Variants in CDH11 observed in about 807,000 individuals in gnomAD.
CDH11 encodes cadherin-11.
CDH11 carries 11 observed loss-of-function variants against 67.8 expected under a neutral mutation model. That is an observed-to-expected ratio of 0.16 (90% CI 0.10 to 0.27). CDH11 has a LOEUF of 0.27. Among genes scored for constraint, CDH11 ranks in the 10% least tolerant of loss-of-function variants. CDH11 has a pLI of 1.00. For missense variants in CDH11, 847 were observed against 1,031.2 expected (o/e 0.82, Z 2.45); for synonymous variants, 419 against 400.0 (o/e 1.05, Z -0.57).
At chr16:65,042,165 A>C (rs1482901769) in intron 2 of CDH11, among the ~76,000 whole-genome samples, 17 of 152,226 alleles carry the variant, frequency 1.1e-4, no homozygotes, top group Admixed American at 1.1e-3. Context: ...TGCCCTTGAC[A>C]TCCAGGACGT....
chr16:64,993,477 C>T (rs2072684249), intron 4 of CDH11, among the ~76,000 whole-genome samples: 2 of 152,080 alleles, frequency 1.3e-5, no homozygotes, highest in South Asian at 2.1e-4. Context: ...TGTAGCAGAA[C>T]AATAAATACA....
At chr16:65,045,373 G>A (rs1001915297) in intron 2 of CDH11, among the ~76,000 whole-genome samples, 138 of 33,796 alleles carry the variant, frequency 4.1e-3, no homozygotes, top group Non-Finnish European at 6.5e-3. Context: ...ATATATATAT[G>A]AACTGTTGCT....
At chr16:64,948,230 G>A in intron 12 of CDH11, 131 bp from the exon 13 acceptor site, 1 of 1,203,792 alleles carries the variant, frequency 8.3e-7, no homozygotes, top group South Asian at 1.6e-5. Flanking sequence ...TAGGAAATGA[G>A]AGCTTTGCCT....
At chr16:64,954,911 C>G (rs546341806) in intron 11 of CDH11, among the ~76,000 whole-genome samples, 1 of 149,630 alleles carries the variant, frequency 6.7e-6, no homozygotes, top group African/African-American at 2.5e-5. Context: ...CAAGACCAGC[C>G]TGGCCAAAAT....
At position 64,945,301 on chromosome 16, in the gene CDH11, T is replaced by TAAAAAAAAAAAAAAAAAAGAA. The variant is rs2071175992; in HGVS notation, c.*2281_*2301dup. The TAAAAAAAAAAAAAAAAAAGAA allele has an allele frequency of 8.1e-6, 3 of 371,896 alleles. No homozygotes were observed. The highest frequency in any genetic ancestry group is 5.1e-5 in the African/African-American group (2 of 39,596). 23.0% of individuals were successfully genotyped at this position (371,896 alleles called of 1,614,324 possible). A position where few individuals can be genotyped will look rare whatever the true frequency, so the allele number is the denominator to read the frequency against. ...AGAGGCTTAACGAAAAAATAAAAGG[T>TAAAAAAAAAAAAAAAAAAGAA]AAAAAAAAAAAAAAAAAAGAAAAAG... On this transcript the variant is annotated 3_prime_UTR_variant, in exon 13 of 13. Transcript: ENST00000268603.
At chr16:65,032,642 A>T (rs2073666837) in intron 2 of CDH11, among the ~76,000 whole-genome samples, 1 of 152,212 alleles carries the variant, frequency 6.6e-6, no homozygotes. Flanking sequence ...AGTCAAAGAA[A>T]AGTGACTCAT....
chr16:65,014,431 A>T (rs1462929374), intron 2 of CDH11, among the ~76,000 whole-genome samples: 3 of 152,094 alleles, frequency 2.0e-5, no homozygotes, highest in Admixed American at 6.6e-5. Context: ...GATATTTTAT[A>T]TTTTTTTGTC....
chr16:65,109,764 C>T (rs200049852), intron 1 of CDH11, among the ~76,000 whole-genome samples: 2 of 152,204 alleles, frequency 1.3e-5, no homozygotes, highest in East Asian at 1.9e-4. Context: ...ATGCTGCCTG[C>T]CATAGCTGCC....
intron 2 of CDH11, among the ~76,000 whole-genome samples, chr16:65,029,371 C>T (rs1241320582): frequency 1.3e-5 from 2 of 152,048 alleles, no homozygotes; most frequent in Admixed American, 6.5e-5. Flanking sequence ...TTTTGTCGAA[C>T]ATATTTTAAG....
At chr16:64,957,502 T>G (rs912505014) in intron 11 of CDH11, among the ~76,000 whole-genome samples, 1 of 152,056 alleles carries the variant, frequency 6.6e-6, no homozygotes, top group Admixed American at 6.6e-5. Flanking sequence ...AAACATTATT[T>G]GATTACTTTG....
At chr16:65,122,099 C>T, upstream of CDH11, 1 of 289,594 alleles carries the variant, frequency 3.5e-6, no homozygotes, top group Non-Finnish European at 6.6e-6. Flanking sequence ...GAATGAGAAA[C>T]CGGGGGGAGG....
At chr16:65,020,030 A>C (rs74026226) in intron 2 of CDH11, among the ~76,000 whole-genome samples, 16,903 of 152,214 alleles carry the variant, frequency 0.11, 1,162 homozygotes, top group African/African-American at 0.19. Flanking sequence ...AACTATTAGC[A>C]ACTTTTATTT....
At chr16:64,955,073 C>T (rs931559457) in intron 11 of CDH11, among the ~76,000 whole-genome samples, 3 of 151,954 alleles carry the variant, frequency 2.0e-5, no homozygotes, top group African/African-American at 7.2e-5. Flanking sequence ...GGTGAAACAC[C>T]GTCTCTACTA....
intron 1 of CDH11, among the ~76,000 whole-genome samples, chr16:65,067,685 G>A (rs1049413896): frequency 6.7e-6 from 1 of 148,842 alleles, no homozygotes; most frequent in Non-Finnish European, 1.5e-5. Context: ...GTAAAGGTGA[G>A]ACAGAGAAAG....
At chr16:65,040,370 C>T (rs533570420) in intron 2 of CDH11, among the ~76,000 whole-genome samples, 4 of 152,278 alleles carry the variant, frequency 2.6e-5, no homozygotes, top group East Asian at 3.9e-4. Flanking sequence ...GAATACTATG[C>T]AGCCATAAAA....
chr16:65,050,021 A>C (rs2074028392), intron 2 of CDH11, among the ~76,000 whole-genome samples: 1 of 152,108 alleles, frequency 6.6e-6, no homozygotes, highest in Admixed American at 6.5e-5. Flanking sequence ...TCCTATGCAA[A>C]TGAAAGATAA....
chr16:65,089,390 G>A (rs184094986), intron 1 of CDH11, among the ~76,000 whole-genome samples: 53 of 152,206 alleles, frequency 3.5e-4, no homozygotes, highest in African/African-American at 1.2e-3. Context: ...TTCTATATTT[G>A]AATAATAGAA....
At chr16:65,052,315 G>A (rs961714061) in intron 2 of CDH11, among the ~76,000 whole-genome samples, 2 of 152,170 alleles carry the variant, frequency 1.3e-5, no homozygotes, top group Non-Finnish European at 2.9e-5. Flanking sequence ...GGCAATTACA[G>A]TCCAATGTAG....
intron 2 of CDH11, among the ~76,000 whole-genome samples, chr16:65,016,037 T>C (rs577509915): frequency 6.6e-6 from 1 of 152,292 alleles, no homozygotes; most frequent in East Asian, 1.9e-4. Context: ...GATCAGAAAC[T>C]TGACTTTCAC....
Sources: gnomAD v4.1 joint callset for allele counts (sites outside exome capture counted in the v4.1 genomes callset) on GRCh38, gnomAD v4.1.1 for gene constraint, MANE v1.5 for transcripts, NCBI Gene and HGNC (gene_info 2026-07-23, HGNC 2026-07-21) for gene names.